Variants in CNTLN observed in about 807,000 individuals in gnomAD.
The protein encoded by CNTLN is centlein.
A neutral mutation model predicts 180.0 loss-of-function variants in CNTLN; 212 were observed. The observed-to-expected ratio is 1.18, with a 90% confidence interval of 1.05 to 1.32. The LOEUF (loss-of-function observed/expected upper bound fraction) is 1.32, where lower values mean the gene tolerates loss of function less well. CNTLN is among the 40% of genes most tolerant of loss of function. CNTLN has a pLI of 0.00. For synonymous variants in CNTLN, 722 were observed against 563.1 expected, an observed-to-expected ratio of 1.28 and a Z score of -3.99; for missense variants, 2,095 against 1,610.9, an observed-to-expected ratio of 1.30 and a Z score of -5.14.
intron 23 of CNTLN, among the ~76,000 whole-genome samples, chr9:17,482,842 C>A (rs1231781460): frequency 2.6e-5 from 4 of 151,920 alleles, no homozygotes. Flanking sequence ...GGTGATGGGA[C>A]AAGTGAGTAT....
intron 25 of CNTLN, among the ~76,000 whole-genome samples, chr9:17,489,460 T>C (rs1362841257): frequency 1.3e-5 from 2 of 152,132 alleles, no homozygotes; most frequent in Admixed American, 1.3e-4. Context: ...ATGTCCTCTC[T>C]GTGTGTTGGG....
chr9:17,142,454 A>AT (rs892716224), intron 1 of CNTLN, among the ~76,000 whole-genome samples: 1 of 151,630 alleles, frequency 6.6e-6, no homozygotes, highest in South Asian at 2.1e-4. Flanking sequence ...GGAACCAATA[A>AT]TTTTTTTTTG....
chr9:17,177,689 C>T (rs1156817950), intron 2 of CNTLN, among the ~76,000 whole-genome samples: 1 of 152,024 alleles, frequency 6.6e-6, no homozygotes, highest in Admixed American at 6.6e-5. Context: ...GTTGTTCGTT[C>T]CTCCCAGTGG....
chr9:17,205,295 T>A, intron 2 of CNTLN, among the ~76,000 whole-genome samples: 1 of 152,182 alleles, frequency 6.6e-6, no homozygotes, highest in East Asian at 1.9e-4. Flanking sequence ...AATGCAGATA[T>A]AATAAATGAT....
At position 17,192,472 on chromosome 9, in the gene CNTLN, C is replaced by T. The variant is rs148370109; in HGVS notation, c.450-33731C>T. Among the ~76,000 whole-genome samples the T allele has an allele frequency of 2.2e-3, 327 of 151,160 alleles. 11 individuals carry two copies. The East Asian group carries it at 0.048, about 22-fold the overall frequency. On this transcript the variant is annotated intron_variant, in intron 2 of 25. Coordinates refer to ENST00000380647, the MANE Select transcript of CNTLN (RefSeq NM_017738.4). The stretch of plus-strand genomic sequence containing the variant: ...CAAGCTGGTCTTGAATTCCCGACCT[C>T]GTGATCCACCCACCTCAGCCTCCCA...
chr9:17,371,692 C>T (rs1596193), intron 13 of CNTLN, among the ~76,000 whole-genome samples: 77,117 of 151,896 alleles, frequency 0.51, 20,664 homozygotes, highest in Non-Finnish European at 0.6. Flanking sequence ...CGATCATTCT[C>T]GAGGACAGAC....
intron 2 of CNTLN, among the ~76,000 whole-genome samples, chr9:17,209,899 A>C (rs888637524): frequency 1.3e-5 from 2 of 152,186 alleles, no homozygotes; most frequent in African/African-American, 4.8e-5. Flanking sequence ...ACAGAAGATA[A>C]TCTAAACTTG....
Position 17,394,792 on chromosome 9 carries a change from G to C in CNTLN, c.2338G>C (p.Glu780Gln), listed in dbSNP as rs1181974045. ...EVTSLRRQVA[E>Q]ANALRNENEE... ...CACTTCCCTGAGGAGACAAGTGGCA[G>C]AAGCTAATGCATTGAGAAATGAAAA... Residue 780 changes from glutamate (E) to glutamine (Q), a missense_variant, in exon 15 of 26, where the codon GAA (glutamate) becomes CAA (glutamine). Coordinates refer to ENST00000380647, the MANE Select transcript of CNTLN (RefSeq NM_017738.4). 11 of 1,613,894 alleles carry C rather than the reference G, an allele frequency of 6.8e-6. No homozygotes were observed. The highest frequency in any genetic ancestry group is 8.5e-6 in the Non-Finnish European group (10 of 1,179,992).
At chr9:17,192,338 AAGCGATTCACCTGCTTC>A (rs1821841857) in intron 2 of CNTLN, among the ~76,000 whole-genome samples, 1 of 150,370 alleles carries the variant, frequency 6.7e-6, no homozygotes, top group Non-Finnish European at 1.5e-5. Flanking sequence ...TCCCGGGTTC[AAGCGATTCACCTGCTTC>A]AGCCTCCTGA....
intron 13 of CNTLN, among the ~76,000 whole-genome samples, chr9:17,376,486 C>G (rs1295458718): frequency 1.3e-5 from 2 of 149,234 alleles, no homozygotes; most frequent in African/African-American, 5.0e-5. Context: ...GAGTCTCGCT[C>G]TGTCCCTGAG....
chr9:17,361,792 C>G (rs1363558102), intron 12 of CNTLN, among the ~76,000 whole-genome samples: 1 of 152,220 alleles, frequency 6.6e-6, no homozygotes, highest in Non-Finnish European at 1.5e-5. Flanking sequence ...TGCTTTCTCT[C>G]AGGGATTACA....
At chr9:17,405,562 C>T (rs948406502) in intron 15 of CNTLN, among the ~76,000 whole-genome samples, 3 of 151,594 alleles carry the variant, frequency 2.0e-5, no homozygotes, top group Non-Finnish European at 4.4e-5. Context: ...TTAAATCGTT[C>T]ATGAGGACTC....
chr9:17,512,474 A>G, the CNTLN span, among the ~76,000 whole-genome samples: 6 of 152,360 alleles, frequency 3.9e-5, no homozygotes, highest in East Asian at 1.2e-3. Flanking sequence ...ACAATGGTCC[A>G]CATGGACATA....
chr9:17,494,816 C>G (rs73418347), intron 25 of CNTLN: 4 of 381,458 alleles, frequency 1.0e-5, no homozygotes, highest in South Asian at 6.2e-5. Flanking sequence ...ATGTACTGCA[C>G]ATAATACTCA....
At chr9:17,333,013 G>A (rs1026481135) in intron 10 of CNTLN, among the ~76,000 whole-genome samples, 2 of 151,768 alleles carry the variant, frequency 1.3e-5, no homozygotes, top group Non-Finnish European at 2.9e-5. Flanking sequence ...TTTCCCAAAG[G>A]CAAAAAATAG....
At chr9:17,369,464 G>C (rs1441212382) in intron 13 of CNTLN, among the ~76,000 whole-genome samples, 2 of 151,960 alleles carry the variant, frequency 1.3e-5, no homozygotes, top group East Asian at 3.9e-4. Flanking sequence ...CAGATATGTA[G>C]CCTTTCAGAC....
intron 12 of CNTLN, among the ~76,000 whole-genome samples, chr9:17,357,357 A>T (rs1364213336): frequency 6.6e-6 from 1 of 151,822 alleles, no homozygotes; most frequent in African/African-American, 2.4e-5. Context: ...TATCCTCCAC[A>T]GGCAGATATA....
chr9:17,495,182 C>T (rs1833386654), intron 25 of CNTLN, among the ~76,000 whole-genome samples: 1 of 151,808 alleles, frequency 6.6e-6, no homozygotes. Flanking sequence ...GCCCAGTCTA[C>T]TATGCTACGC....
intron 12 of CNTLN, among the ~76,000 whole-genome samples, chr9:17,359,544 C>G (rs888058584): frequency 1.3e-5 from 2 of 150,438 alleles, no homozygotes; most frequent in African/African-American, 2.4e-5. Flanking sequence ...GACAGTCAAC[C>G]CAATAGAAAA....
Sources: gnomAD v4.1 joint callset for allele counts (sites outside exome capture counted in the v4.1 genomes callset) on GRCh38, gnomAD v4.1.1 for gene constraint, MANE v1.5 for transcripts, NCBI Gene and HGNC (gene_info 2026-07-23, HGNC 2026-07-21) for gene names.